USP8: variants seen among roughly 807,000 people sequenced by gnomAD.
USP8 encodes the protein ubiquitin carboxyl-terminal hydrolase 8.
USP8 carries 27 observed loss-of-function variants against 130.0 expected under a neutral mutation model. The observed-to-expected ratio is 0.21, with a 90% confidence interval of 0.15 to 0.29. The LOEUF (loss-of-function observed/expected upper bound fraction) is 0.29, where lower values mean the gene tolerates loss of function less well. USP8 is among the 10% of genes least tolerant of loss of function. The pLI is 1.00. For missense variants in USP8, 1,029 were observed against 1,312.2 expected, an observed-to-expected ratio of 0.78 and a Z score of 3.33; for synonymous variants, 392 against 444.1, an observed-to-expected ratio of 0.88 and a Z score of 1.48.
chr15:50,474,320 A>G (rs2051488557), intron 8 of USP8, among the ~76,000 whole-genome samples: 1 of 152,176 alleles, frequency 6.6e-6, no homozygotes, highest in Admixed American at 6.6e-5. Context: ...TAAATTATTA[A>G]CAATGATAGC....
chr15:50,440,118 A>G (rs1295556908), intron 2 of USP8, among the ~76,000 whole-genome samples: 1 of 152,164 alleles, frequency 6.6e-6, no homozygotes, highest in Non-Finnish European at 1.5e-5. Flanking sequence ...GGCAGAAAGT[A>G]AGAGAGGGAT....
intron 1 of USP8, among the ~76,000 whole-genome samples, chr15:50,431,939 A>G (rs1013387589): frequency 6.6e-6 from 1 of 152,128 alleles, no homozygotes; most frequent in Non-Finnish European, 1.5e-5. Flanking sequence ...TACAGGTGTC[A>G]GCCACCATGC....
intron 8 of USP8, among the ~76,000 whole-genome samples, chr15:50,472,970 T>C (rs1027654089): frequency 1.3e-5 from 2 of 152,108 alleles, no homozygotes; most frequent in Non-Finnish European, 2.9e-5. Flanking sequence ...ACAACACATA[T>C]GGCAGTGGTT....
In USP8 at chr15:50,488,552, C is replaced by CTT. The variant is rs397853938; in HGVS notation, c.1891-1221_1891-1220dup. Among the ~76,000 whole-genome samples, 240 of 70,938 alleles carry CTT rather than the reference C, an allele frequency of 3.4e-3. 29 individuals are homozygous for CTT. The highest frequency in any genetic ancestry group is 8.5e-3 in the African/African-American group (147 of 17,228). The allele number at this position is 70,938 out of a possible 152,430, so 46.5% of individuals were successfully genotyped here. On this transcript the variant is annotated intron_variant, in intron 12 of 19. Coordinates refer to ENST00000307179, the MANE Select transcript of USP8 (RefSeq NM_005154.5). ...GTGCATGCCATCACATCAAGGTTGG[C>CTT]TTTTTTTTTTTTTTTTTTTTTTTTT...
intron 4 of USP8, among the ~76,000 whole-genome samples, chr15:50,456,377 C>T (rs1255284957): frequency 6.7e-6 from 1 of 149,526 alleles, no homozygotes; most frequent in East Asian, 2.0e-4. Context: ...CAAGACCGGC[C>T]TAGCCAACAT....
chr15:50,447,707 C>T (rs562972918), intron 3 of USP8, among the ~76,000 whole-genome samples: 10 of 151,862 alleles, frequency 6.6e-5, no homozygotes, highest in South Asian at 2.1e-4. Context: ...GGATTACAGG[C>T]GCACGCCACC....
At chr15:50,495,481 AT>A (rs141692798) in intron 16 of USP8, among the ~76,000 whole-genome samples, 22,536 of 132,808 alleles carry the variant, frequency 0.17, 2,380 homozygotes, top group Middle Eastern at 0.32. Flanking sequence ...TTTAGTAGAG[AT>A]TGGAGGGGGG....
rs2052752755 is a variant in USP8, at chr15:50,512,632, A to C, written c.*13544A>C. On this transcript the variant is annotated 3_prime_UTR_variant, in exon 20 of 20. Coordinates refer to ENST00000307179, the MANE Select transcript of USP8 (RefSeq NM_005154.5). ...TGGTGAAACCACATCTCTACTAAAAATATTTTTAAAAATTAGCCAGGCATG... is the reference window on the plus strand; with the variant it reads ...TGGTGAAACCACATCTCTACTAAAACTATTTTTAAAAATTAGCCAGGCATG... 6.6e-6 allele frequency: 1 copy of C among 152,072 alleles called. No homozygotes were observed. Among genetic ancestry groups the C allele is most frequent in the African/African-American group, 2.4e-5 (1 of 41,400 alleles). The allele number at this position is 152,072 out of a possible 1,614,324, so 9.4% of individuals were successfully genotyped here.
At chr15:50,475,847 CCCG>C (rs1053986601) in intron 8 of USP8, among the ~76,000 whole-genome samples, 9 of 152,242 alleles carry the variant, frequency 5.9e-5, no homozygotes, top group Admixed American at 5.9e-4. Context: ...AGGTGATCCT[CCCG>C]CCTCGGCCTT....
At chr15:50,489,513 TCCTC>T (rs1408864874) in intron 12 of USP8, 1 of 162,874 alleles carries the variant, frequency 6.1e-6, no homozygotes, top group Non-Finnish European at 1.3e-5. Flanking sequence ...TCCACTGTCT[TCCTC>T]CCCGTGAACT....
At chr15:50,494,606 GTATGT>G (rs1247288438) in intron 16 of USP8, among the ~76,000 whole-genome samples, 3 of 152,166 alleles carry the variant, frequency 2.0e-5, no homozygotes, top group South Asian at 2.1e-4. Flanking sequence ...CATTTTTATT[GTATGT>G]TATGTTTATA....
intron 8 of USP8, among the ~76,000 whole-genome samples, chr15:50,476,386 T>C (rs1346384085): frequency 1.3e-5 from 2 of 152,224 alleles, no homozygotes; most frequent in African/African-American, 4.8e-5. Context: ...GTCGTGATTA[T>C]GCCGTTGCAT....
intron 7 of USP8, chr15:50,467,242 T>C (rs528535832): frequency 6.1e-6 from 1 of 163,388 alleles, no homozygotes; most frequent in Admixed American, 6.4e-5. Flanking sequence ...TCTGTATTAA[T>C]AGAGAGCTGG....
intron 1 of USP8, among the ~76,000 whole-genome samples, chr15:50,437,291 C>A (rs1347000410): frequency 1.3e-5 from 2 of 152,102 alleles, no homozygotes; most frequent in African/African-American, 4.8e-5. Context: ...TATGTATCTC[C>A]CTGATTACAA....
intron 8 of USP8, among the ~76,000 whole-genome samples, chr15:50,472,824 C>T (rs778350329): frequency 5.9e-5 from 9 of 151,666 alleles, no homozygotes; most frequent in Admixed American, 3.3e-4. Context: ...GTAGGAGAAT[C>T]GATTGAACCC....
intron 6 of USP8, 134 bp downstream of exon 6, chr15:50,462,456 T>TA (rs2051041637): frequency 1.4e-6 from 1 of 713,360 alleles, no homozygotes; most frequent in African/African-American, 1.9e-5. Flanking sequence ...TCATTTTTCC[T>TA]AGTCTGTACA....
chr15:50,467,238 T>C (rs1322061498), intron 7 of USP8: 1 of 163,376 alleles, frequency 6.1e-6, no homozygotes, highest in Non-Finnish European at 1.3e-5. Context: ...CTAGTCTGTA[T>C]TAATAGAGAG....
intron 10 of USP8, among the ~76,000 whole-genome samples, chr15:50,480,824 C>T (rs1014884673): frequency 2.7e-5 from 4 of 148,460 alleles, no homozygotes; most frequent in African/African-American, 5.0e-5. Context: ...GATTGGGGGG[C>T]GGGGGCAAGA....
At chr15:50,491,329 T>C (rs750479657) in intron 14 of USP8, among the ~76,000 whole-genome samples, 1 of 152,214 alleles carries the variant, frequency 6.6e-6, no homozygotes, top group Non-Finnish European at 1.5e-5. Flanking sequence ...CCTAAGAAAG[T>C]TGAAATTTTT....
Sources: allele counts gnomAD v4.1 joint callset (sites outside exome capture counted in the v4.1 genomes callset), GRCh38; gene constraint gnomAD v4.1.1; transcripts MANE v1.5; gene names NCBI Gene and HGNC (gene_info 2026-07-23, HGNC 2026-07-21).